Variants in TTN observed in about 807,000 individuals in gnomAD.
The protein encoded by TTN is titin, also known as connectin.
TTN carries 1,525 observed loss-of-function variants against 3,223.0 expected under a neutral mutation model. That is an observed-to-expected ratio of 0.47 (90% CI 0.45 to 0.49). TTN has a LOEUF of 0.49. Ranked by LOEUF, TTN falls within the 20% of genes least tolerant of loss-of-function variation. TTN has a pLI of 0.00. For synonymous variants in TTN, 14,094 were observed against 15,161.0 expected (o/e 0.93, Z 5.17); for missense variants, 40,786 against 43,424.0 (o/e 0.94, Z 5.40).
Position 178,562,928 on chromosome 2 carries a change from T to G in TTN, c.83204A>C (p.Asn27735Thr). The G allele has an allele frequency of 6.2e-7, 1 of 1,613,632 alleles. No homozygotes were observed. The highest frequency in any genetic ancestry group is 8.5e-7 in the Non-Finnish European group (1 of 1,179,738). Residue 27735 changes from asparagine (N) to threonine (T), a missense_variant, in exon 326 of 363, where the codon AAT becomes ACT. Physicochemically the swap from Asn to Thr is moderately conservative, Grantham distance 65. Coordinates refer to ENST00000589042, the MANE Select transcript of TTN (RefSeq NM_001267550.2). ...TSSFTMLVID[N>T]VTRFDSGRYN... ...CCGACCACTGTCAAATCTGGTAACA[T>G]TATCAATCACCAACATTGTAAATGA...
intron 335 of TTN, 72 bp downstream of exon 335, chr2:178,551,558 G>T: frequency 1.6e-6 from 2 of 1,274,918 alleles, no homozygotes; most frequent in Non-Finnish European, 2.1e-6. Context: ...GAGAAGAAAA[G>T]CATTCCTTGA....
At position 178,649,831 on chromosome 2, in the gene TTN, G is replaced by C; in HGVS notation, c.39881C>G (p.Ala13294Gly). 1 of 1,612,570 alleles carries C rather than the reference G, an allele frequency of 6.2e-7. No individual in the cohort carries two copies. Among genetic ancestry groups the C allele is most frequent in the Non-Finnish European group, 8.5e-7 (1 of 1,179,436 alleles). The change falls in exon 211 of 363, where the codon GCA becomes GGA. Residue 13294 changes from alanine (A) to glycine (G), a missense_variant. Ala to Gly is a moderately conservative substitution (Grantham distance 60). Coordinates refer to ENST00000589042, the MANE Select transcript of TTN (RefSeq NM_001267550.2). ...AACATGAGTACCTTTAGGAGGCGGT[G>C]CTTCTGGTTTTTTGATGACAGGAAC... ...KKVPVIKKPE[A>G]PPPKEPEMPK...
At chr2:178,580,928 C>G (rs2047571745) in intron 316 of TTN, 1 of 254,848 alleles carries the variant, frequency 3.9e-6, no homozygotes, top group Non-Finnish European at 7.3e-6. Context: ...CCCTTTCATT[C>G]TTGTTTTTTC....
Position 178,621,919 on chromosome 2 carries a change from G to C in TTN, c.45003C>G (p.Asn15001Lys). Reference protein sequence around the residue: ...SKGAVRILVINKCLLDDEAEY... With the variant: ...SKGAVRILVIKKCLLDDEAEY... ...CAGCTTCATCATCCAGTAGACATTTGTTGATGACAAGAATGCGCACTGCTC... is the reference window on the plus strand; with the variant it reads ...CAGCTTCATCATCCAGTAGACATTTCTTGATGACAAGAATGCGCACTGCTC... Residue 15001 changes from asparagine (N) to lysine (K), a missense_variant, in exon 244 of 363, where the codon AAC becomes AAG. Asn to Lys is a moderately conservative substitution (Grantham distance 94). Coordinates refer to ENST00000589042, the MANE Select transcript of TTN (RefSeq NM_001267550.2). 2 of 1,612,050 alleles carry C rather than the reference G, an allele frequency of 1.2e-6. No individual in the cohort carries two copies. Among genetic ancestry groups the C allele is most frequent in the Middle Eastern group, 1.7e-4 (1 of 6,044 alleles).
At position 178,738,136 on chromosome 2, in the gene TTN, T is replaced by C; in HGVS notation, c.14317A>G (p.Lys4773Glu). 6.2e-7 allele frequency: 1 copy of C among 1,613,864 alleles called. No homozygotes were observed. The highest frequency in any genetic ancestry group is 8.5e-7 in the Non-Finnish European group (1 of 1,179,784). ...QVVDCGEYTC[K>E]ASNEYGSVSC... Reference sequence around the variant, plus strand: ...ACACTGCCATACTCATTGGAAGCTTTGCATGTATACTCGCCGCAGTCAACC... The same window carrying C: ...ACACTGCCATACTCATTGGAAGCTTCGCATGTATACTCGCCGCAGTCAACC... The change falls in exon 49 of 363, where the codon AAA (lysine) becomes GAA (glutamate). Residue 4773 changes from lysine (K) to glutamate (E), a missense_variant. Coordinates refer to ENST00000589042, the MANE Select transcript of TTN (RefSeq NM_001267550.2).
In TTN at chr2:178,526,912, C is replaced by CT. The variant is rs11424072; in HGVS notation, c.*99dup. On this transcript the variant is annotated 3_prime_UTR_variant, in exon 363 of 363. Transcript: ENST00000589042. The stretch of plus-strand genomic sequence containing the variant: ...ACTCATTTAGGTTGATACAAAACTA[C>CT]TTTTTTTTCTTTAAATATTTACAGT... The CT allele has an allele frequency of 0.27, 316,752 of 1,175,992 alleles. 51,674 individuals are homozygous for CT. Among genetic ancestry groups the CT allele is most frequent in the East Asian group, 0.69 (26,198 of 38,124 alleles). 72.8% of individuals were successfully genotyped at this position (1,175,992 alleles called of 1,614,324 possible). A position where few individuals can be genotyped will look rare whatever the true frequency, so the allele number is the denominator to read the frequency against.
intron 126 of TTN, 112 bp from the exon 127 acceptor site, chr2:178,688,336 T>TG: frequency 1.1e-6 from 1 of 922,510 alleles, no homozygotes; most frequent in Non-Finnish European, 1.7e-6. Flanking sequence ...AGGACATAGC[T>TG]TCATGGTACT....
chr2:178,613,088 A>G lies in TTN; in HGVS notation c.49649-16T>C. ...CATGGAGGATCTGCAAGCCAATGAA[A>G]TCATTGTTTAGGTTTGTCAAAAAGG... is the stretch of plus-strand genomic sequence containing the variant. On this transcript the variant is annotated splice_polypyrimidine_tract_variant and intron_variant, in intron 264 of 362. Coordinates refer to ENST00000589042, the MANE Select transcript of TTN (RefSeq NM_001267550.2). The G allele has an allele frequency of 6.2e-7, 1 of 1,612,346 alleles. No individual in the cohort carries two copies. The highest frequency in any genetic ancestry group is 8.5e-7 in the Non-Finnish European group (1 of 1,179,094).
At chr2:178,789,884 A>G (rs1257676185) in intron 12 of TTN, 94 bp downstream of exon 12, 12 of 1,548,798 alleles carry the variant, frequency 7.7e-6, no homozygotes, top group African/African-American at 1.4e-5. Flanking sequence ...TAAAAGGCAA[A>G]TACAGATTAA....
At chr2:178,619,070 C>G in intron 250 of TTN, 1 of 612,690 alleles carries the variant, frequency 1.6e-6, no homozygotes, top group Non-Finnish European at 2.7e-6. Context: ...TTGAGAATGG[C>G]ATAAAATCAT....
Position 178,534,260 on chromosome 2 carries a change from A to G in TTN, c.102355T>C (p.Ser34119Pro), listed in dbSNP as rs1690455117. Residue 34119 changes from serine to proline, a missense_variant, in exon 358 of 363, where the codon TCT becomes CCT. Coordinates refer to ENST00000589042, the MANE Select transcript of TTN (RefSeq NM_001267550.2). ...TTAGCAACACTCACTCCCTTCTGAG[A>G]TCGAATTGCACCACCACAGGAGATC... ...ARISCGGAIR[S>P]QKGVSVAKVK... 1 of 1,613,960 alleles carries G rather than the reference A, an allele frequency of 6.2e-7. No individual in the cohort carries two copies. The highest frequency in any genetic ancestry group is 1.3e-5 in the African/African-American group (1 of 75,050).
At position 178,594,344 on chromosome 2, in the gene TTN, C is replaced by T; in HGVS notation, c.58150G>A (p.Ala19384Thr). ...TKPITCKDELAPPTLHLDFRD... is the reference protein window; with the variant it reads ...TKPITCKDELTPPTLHLDFRD... ...AGTATAAATTGTAGTAGACACATAC[C>T]CAGCTCATCCTTGCAAGTAATTGGT... The change falls in exon 296 of 363, where the codon GCA (alanine) becomes ACA (threonine). Residue 19384 changes from alanine (A) to threonine (T), a missense_variant and splice_region_variant. Physicochemically the swap from Ala to Thr is moderately conservative, Grantham distance 58. Transcript: ENST00000589042. The T allele has an allele frequency of 1.9e-6, 3 of 1,591,360 alleles. No homozygotes were observed. The South Asian group carries it at 3.5e-5, about 18-fold the overall frequency.
intron 282 of TTN, among the ~76,000 whole-genome samples, chr2:178,602,965 T>G (rs1420032042): frequency 1.3e-5 from 2 of 152,022 alleles, no homozygotes; most frequent in Non-Finnish European, 2.9e-5. Flanking sequence ...ATATGAAAAT[T>G]TAAAAAGGAT....
At position 178,571,476 on chromosome 2, in the gene TTN, C is replaced by T. The variant is rs1239424185; in HGVS notation, c.74656G>A (p.Glu24886Lys). Residue 24886 changes from glutamate (E) to lysine (K), a missense_variant, in exon 326 of 363, where the codon GAA (glutamate) becomes AAA (lysine). Glu to Lys is a moderately conservative substitution (Grantham distance 56). Transcript: ENST00000589042. ...GCEYQFRIAA[E>K]NRYGKSTYLN... ...TAGGTACTCTTCCCATATCTGTTTT[C>T]AGCTGCAATTCTAAACTGATATTCA... The T allele has an allele frequency of 1.2e-6, 2 of 1,613,382 alleles. No individual in the cohort carries two copies. Among genetic ancestry groups the T allele is most frequent in the Non-Finnish European group, 1.7e-6 (2 of 1,179,572 alleles).
chr2:178,590,314 G>T lies in TTN; in HGVS notation c.61411C>A (p.Leu20471Ile). ...TCAAGTTCTACTTCTGGAGGATGAA[G>T]GATATCTTTTGCAATCACAGATTCT... ...LAESVIAKDI[L>I]HPPEVELDVT... The change falls in exon 304 of 363, where the codon CTT becomes ATT. Residue 20471 changes from leucine (L) to isoleucine (I), a missense_variant. By Grantham distance (5) the Leu-to-Ile change is conservative (BLOSUM62 2). Coordinates refer to ENST00000589042, the MANE Select transcript of TTN (RefSeq NM_001267550.2). 1.9e-6 allele frequency: 3 copies of T among 1,570,626 alleles called. No individual in the cohort carries two copies. The highest frequency in any genetic ancestry group is 2.6e-6 in the Non-Finnish European group (3 of 1,159,010).
In TTN at chr2:178,712,427, T is replaced by G; in HGVS notation, c.27495A>C (p.Lys9165Asn). Reference sequence around the variant, plus strand: ...TACTTGGAATTTCCAGGATTGCCGATTTTTCAGTCGTAGTTATATTACACC... The same window carrying G: ...TACTTGGAATTTCCAGGATTGCCGAGTTTTCAGTCGTAGTTATATTACACC... ...SQRCNITTTEKSAILEIPSST... is the reference protein window; with the variant it reads ...SQRCNITTTENSAILEIPSST... The change falls in exon 95 of 363, where the codon AAA (lysine) becomes AAC (asparagine). Residue 9165 changes from lysine (K) to asparagine (N), a missense_variant. By Grantham distance (94) the Lys-to-Asn change is moderately conservative. Transcript: ENST00000589042. 6.2e-7 allele frequency: 1 copy of G among 1,613,840 alleles called. No homozygotes were observed. Among genetic ancestry groups the G allele is most frequent in the South Asian group, 1.1e-5 (1 of 91,078 alleles).
Position 178,549,336 on chromosome 2 carries a change from T to A in TTN, c.92290A>T (p.Thr30764Ser). 6.2e-7 allele frequency: 1 copy of A among 1,613,944 alleles called. No homozygotes were observed. The highest frequency in any genetic ancestry group is 8.5e-7 in the Non-Finnish European group (1 of 1,179,836). ...TTGCTGATCACTTTTACCCATCTTG[T>A]GCTTTTCTTTTCTCTTCTTTCAAGG... ...YILERREKKS[T>S]RWVKVISKRP... Residue 30764 changes from threonine (T) to serine (S), a missense_variant, in exon 339 of 363, where the codon ACA becomes TCA. Thr to Ser is a moderately conservative substitution (Grantham distance 58). Transcript: ENST00000589042.
rs59989386 is a variant in TTN, at chr2:178,699,383, C to CT, written c.30683-470dup. 4.5e-5 allele frequency among the ~76,000 whole-genome samples: 2 copies of CT among 44,858 alleles called. 1 individual carries two copies. The highest frequency in any genetic ancestry group is 8.7e-5 in the Non-Finnish European group (2 of 22,888). The allele number at this position is 44,858 out of a possible 152,430, so 29.4% of individuals were successfully genotyped here. A position where few individuals can be genotyped will look rare whatever the true frequency, so the allele number is the denominator to read the frequency against. On this transcript the variant is annotated intron_variant, in intron 111 of 362. Coordinates refer to ENST00000589042, the MANE Select transcript of TTN (RefSeq NM_001267550.2). Reference sequence around the variant, plus strand: ...TTTGTATTCATGAATAAATAACACTCTTTTTTTTTTTTTTTTTTTTTTTTT... The same window carrying CT: ...TTTGTATTCATGAATAAATAACACTCTTTTTTTTTTTTTTTTTTTTTTTTTT...
Position 178,585,056 on chromosome 2 carries a change from C to G in TTN, c.64672+16G>C, listed in dbSNP as rs779727335. 3.4e-5 allele frequency: 55 copies of G among 1,605,236 alleles called. No homozygotes were observed. Among genetic ancestry groups the G allele is most frequent in the Non-Finnish European group, 4.7e-5 (55 of 1,176,686 alleles). ...GCTTCATATTTAGATGGCCATTTGT[C>G]TAATACTTAACTTACCCATGACTAC... On this transcript the variant is annotated intron_variant, in intron 309 of 362. Coordinates refer to ENST00000589042, the MANE Select transcript of TTN (RefSeq NM_001267550.2).
Sources: allele counts gnomAD v4.1 joint callset (sites outside exome capture counted in the v4.1 genomes callset), GRCh38; gene constraint gnomAD v4.1.1; transcripts MANE v1.5; gene names NCBI Gene and HGNC (gene_info 2026-07-23, HGNC 2026-07-21).